The following KCNQ1 variants were observed in gnomAD, a reference collection of about 807,000 sequenced individuals.
The protein encoded by KCNQ1 is potassium voltage-gated channel subfamily Q member 1.
Under a neutral mutation model 72.4 loss-of-function variants are expected in KCNQ1, and 49 were observed. That is an observed-to-expected ratio of 0.68 (90% CI 0.54 to 0.86). The LOEUF (loss-of-function observed/expected upper bound fraction) is 0.86. Among genes scored for constraint, KCNQ1 ranks in the 40% least tolerant of loss-of-function variants. KCNQ1 has a pLI of 0.00. For missense variants in KCNQ1, 790 were observed against 945.1 expected (o/e 0.84, Z 2.15); for synonymous variants, 450 against 412.6 (o/e 1.09, Z -1.10).
Position 2,651,267 on chromosome 11 carries a change from C to T in KCNQ1, c.1394-10694C>T. On this transcript the variant is annotated intron_variant, in intron 10 of 15. Transcript: ENST00000155840. This position sits in a 1 kb window ranked among gnomAD's most constrained non-coding sequence, Gnocchi z 6.1. ...TTCAGGAATTAAGCTGTGCTGGTCA[C>T]TTATTGAGAAAGAGCTTCATGGTGG... 1 of 398,656 alleles carries T rather than the reference C, an allele frequency of 2.5e-6. No homozygotes were observed. Among genetic ancestry groups the T allele is most frequent in the Non-Finnish European group, 4.4e-6 (1 of 226,090 alleles). The allele number at this position is 398,656 out of a possible 1,614,324, so 24.7% of individuals were successfully genotyped here.
chr11:2,620,194 T>G lies in KCNQ1; in HGVS notation c.1393+31340T>G. ...TGTTGCTGCAAAGGACGTAAGTTCA[T>G]TCATGTATATATATATATTTTTTTT... On this transcript the variant is annotated intron_variant, in intron 10 of 15. Transcript: ENST00000155840. The surrounding 1 kb of genome is among the most constrained non-coding windows in gnomAD (Gnocchi z 4.5). 1 of 360,634 alleles carries G rather than the reference T, an allele frequency of 2.8e-6. No homozygotes were observed. Among genetic ancestry groups the G allele is most frequent in the Non-Finnish European group, 4.8e-6 (1 of 210,198 alleles). 22.3% of individuals were successfully genotyped at this position (360,634 alleles called of 1,614,324 possible). A position where few individuals can be genotyped will look rare whatever the true frequency, so the allele number is the denominator to read the frequency against.
rs193066736 is a variant in KCNQ1, at chr11:2,679,957, A to C, written c.1514+17876A>C. On this transcript the variant is annotated intron_variant, in intron 11 of 15. Transcript: ENST00000155840. This position sits in a 1 kb window ranked among gnomAD's most constrained non-coding sequence, Gnocchi z 4.8. ...CACCTAGGCGGGAATGCAGTGGCAC[A>C]GTCTCGGCTTACTGCAACCTCTACC... 1.1e-3 allele frequency: 426 copies of C among 397,286 alleles called. 1 individual carries two copies. The highest frequency in any genetic ancestry group is 7.0e-3 in the African/African-American group (339 of 48,626). The allele number at this position is 397,286 out of a possible 1,614,324, so 24.6% of individuals were successfully genotyped here.
chr11:2,822,875 CAATT>C (rs1214860470), intron 15 of KCNQ1, among the ~76,000 whole-genome samples: 1 of 150,724 alleles, frequency 6.6e-6, no homozygotes, highest in Non-Finnish European at 1.5e-5. Flanking sequence ...GAAAAAGAAA[CAATT>C]AGAGAAGCAG....
At chr11:2,819,802 A>G (rs1459295590) in intron 15 of KCNQ1, among the ~76,000 whole-genome samples, 6 of 152,104 alleles carry the variant, frequency 3.9e-5, no homozygotes, top group East Asian at 3.9e-4. Context: ...TGTCTCCCCA[A>G]TGGGTTTATG....
At position 2,679,069 on chromosome 11, in the gene KCNQ1, C is replaced by T; in HGVS notation, c.1514+16988C>T. 1 of 398,674 alleles carries T rather than the reference C, an allele frequency of 2.5e-6. No individual in the cohort carries two copies. Among genetic ancestry groups the T allele is most frequent in the South Asian group, 1.3e-4 (1 of 7,864 alleles). The allele number at this position is 398,674 out of a possible 1,614,324, so 24.7% of individuals were successfully genotyped here. A position where few individuals can be genotyped will look rare whatever the true frequency, so the allele number is the denominator to read the frequency against. The stretch of plus-strand genomic sequence containing the variant: ...CCATACCAACCACCAAAAAAACCCA[C>T]TAACACCATAAAGTGTCATAGCTAG... On this transcript the variant is annotated intron_variant, in intron 11 of 15. Transcript: ENST00000155840. This position sits in a 1 kb window ranked among gnomAD's most constrained non-coding sequence, Gnocchi z 4.8.
chr11:2,726,398 G>T (rs551338824), intron 11 of KCNQ1, among the ~76,000 whole-genome samples: 1 of 152,236 alleles, frequency 6.6e-6, no homozygotes, highest in Admixed American at 6.5e-5. Context: ...GCTCTTCCTG[G>T]GCCAGCAGTA....
chr11:2,506,010 G>T (rs887174603), intron 1 of KCNQ1, among the ~76,000 whole-genome samples: 2 of 152,010 alleles, frequency 1.3e-5, no homozygotes, highest in Non-Finnish European at 2.9e-5. Context: ...TAGCCCCTGT[G>T]ATCCAGCAAT....
intron 11 of KCNQ1, chr11:2,681,124 C>A (rs944502098): frequency 1.0e-5 from 4 of 398,458 alleles, no homozygotes; most frequent in Non-Finnish European, 1.8e-5. Flanking sequence ...CCCAAAAAAG[C>A]ACCTATGAAA....
Position 2,493,179 on chromosome 11 carries a change from A to C in KCNQ1, c.387-34749A>C, listed in dbSNP as rs971534503. On this transcript the variant is annotated intron_variant, in intron 1 of 15. Coordinates refer to ENST00000155840, the MANE Select transcript of KCNQ1 (RefSeq NM_000218.3). This position sits in a 1 kb window ranked among gnomAD's most constrained non-coding sequence, Gnocchi z 5.3. ...CTTCTTTTGAGAAGTATCTGTTCGT[A>C]TCCTTTACCCACTTTTTGATGGGGT... Among the ~76,000 whole-genome samples, 1 of 152,090 alleles carries C rather than the reference A, an allele frequency of 6.6e-6. No homozygotes were observed. The highest frequency in any genetic ancestry group is 2.1e-4 in the South Asian group (1 of 4,826).
intron 15 of KCNQ1, among the ~76,000 whole-genome samples, chr11:2,800,621 G>T (rs780023933): frequency 2.6e-5 from 4 of 152,224 alleles, no homozygotes; most frequent in Admixed American, 2.0e-4. Context: ...GGCCGTGAAG[G>T]TTCCAAGCTT....
intron 6 of KCNQ1, 51 bp downstream of exon 6, chr11:2,573,037 GT>G: frequency 6.3e-7 from 1 of 1,595,514 alleles, no homozygotes; most frequent in Non-Finnish European, 8.5e-7. Context: ...AGGCTGAGGA[GT>G]GGGCAGGACA....
At chr11:2,793,287 ATGT>A (rs1847067860) in intron 15 of KCNQ1, among the ~76,000 whole-genome samples, 1 of 152,192 alleles carries the variant, frequency 6.6e-6, no homozygotes, top group African/African-American at 2.4e-5. Flanking sequence ...TAGCAGGGTC[ATGT>A]GAGGGCTCCG....
At chr11:2,572,764 G>A (rs1043021835) in intron 5 of KCNQ1, 82 bp from the exon 6 acceptor site, 16 of 1,582,540 alleles carry the variant, frequency 1.0e-5, no homozygotes, top group Middle Eastern at 1.8e-4. Flanking sequence ...GTGATCGCTG[G>A]GACTCGCTGC....
chr11:2,802,037 C>A (rs935601545), intron 15 of KCNQ1, among the ~76,000 whole-genome samples: 33 of 152,338 alleles, frequency 2.2e-4, no homozygotes, highest in African/African-American at 7.2e-4. Flanking sequence ...TGGCTGGAGG[C>A]GATTTCGCCA....
At position 2,507,132 on chromosome 11, in the gene KCNQ1, G is replaced by T. The variant is rs1050922308; in HGVS notation, c.387-20796G>T. Among the ~76,000 whole-genome samples the T allele has an allele frequency of 6.6e-6, 1 of 152,194 alleles. No individual in the cohort carries two copies. Among genetic ancestry groups the T allele is most frequent in the Admixed American group, 6.5e-5 (1 of 15,280 alleles). On this transcript the variant is annotated intron_variant, in intron 1 of 15. Coordinates refer to ENST00000155840, the MANE Select transcript of KCNQ1 (RefSeq NM_000218.3). This position sits in a 1 kb window ranked among gnomAD's most constrained non-coding sequence, Gnocchi z 5.4. ...ACAGTTGAGAGCTTTTTCCTCCACC[G>T]AGGTTAAGGGGAATCCACTGTGTTT...
chr11:2,661,614 CCT>C lies in KCNQ1; in HGVS notation c.1394-344_1394-343del, dbSNP rs1257694632. ...TCCCTTACCAGGCCTGTGCCTGTCA[CCT>C]CTGTTTTATTCTTGACCCAAGTGTC... On this transcript the variant is annotated intron_variant, in intron 10 of 15. Coordinates refer to ENST00000155840, the MANE Select transcript of KCNQ1 (RefSeq NM_000218.3). This position sits in a 1 kb window ranked among gnomAD's most constrained non-coding sequence, Gnocchi z 5.9. The C allele has an allele frequency of 5.1e-6, 3 of 582,926 alleles. No individual in the cohort carries two copies. Among genetic ancestry groups the C allele is most frequent in the Non-Finnish European group, 9.2e-6 (3 of 327,438 alleles). The allele number at this position is 582,926 out of a possible 1,614,324, so 36.1% of individuals were successfully genotyped here. A position where few individuals can be genotyped will look rare whatever the true frequency, so the allele number is the denominator to read the frequency against.
chr11:2,461,325 G>A lies in KCNQ1; in HGVS notation c.386+15841G>A, dbSNP rs2075873. On this transcript the variant is annotated intron_variant, in intron 1 of 15. Transcript: ENST00000155840. ...CCGCCTCGCAGCAGATTTGTAGTCT[G>A]GTTGCTGTCGTTCCTGAAATAGCCT... 0.062 allele frequency: 56,903 copies of A among 911,560 alleles called. 2,889 individuals are homozygous for A. The highest frequency in any genetic ancestry group is 0.27 in the East Asian group (4,355 of 15,904). 56.5% of individuals were successfully genotyped at this position (911,560 alleles called of 1,614,324 possible). A position where few individuals can be genotyped will look rare whatever the true frequency, so the allele number is the denominator to read the frequency against.
chr11:2,632,395 A>C (rs1849375147), intron 10 of KCNQ1: 1 of 398,276 alleles, frequency 2.5e-6, no homozygotes, highest in African/African-American at 2.1e-5. Flanking sequence ...GAAAGCCACT[A>C]CTATGTTTAA....
At chr11:2,697,515 T>G (rs1850698092) in intron 11 of KCNQ1, 1 of 398,516 alleles carries the variant, frequency 2.5e-6, no homozygotes, top group Non-Finnish European at 4.4e-6. Flanking sequence ...TTGTATCAAG[T>G]TGAAGAAGTT....
Sources: allele counts gnomAD v4.1 joint callset (sites outside exome capture counted in the v4.1 genomes callset), GRCh38; gene constraint gnomAD v4.1.1; non-coding constraint Gnocchi (gnomAD v3.1); transcripts MANE v1.5; gene names NCBI Gene and HGNC (gene_info 2026-07-23, HGNC 2026-07-21).